ENPP4: variants seen among roughly 807,000 people sequenced by gnomAD.
The protein encoded by ENPP4 is bis(5'-adenosyl)-triphosphatase ENPP4.
A neutral mutation model predicts 33.4 loss-of-function variants in ENPP4; 18 were observed. The ratio of observed to expected loss-of-function variants is 0.54; its 90% CI spans 0.37 to 0.80. The LOEUF (loss-of-function observed/expected upper bound fraction) is 0.80. Ranked by LOEUF, ENPP4 falls within the 30% of genes least tolerant of loss-of-function variation. The pLI is 0.00. For synonymous variants in ENPP4, 172 were observed against 189.9 expected (o/e 0.91, Z 0.78); for missense variants, 480 against 541.7 (o/e 0.89, Z 1.13).
Position 46,139,897 on chromosome 6 carries a change from C to G in ENPP4, c.314C>G (p.Ser105Cys), listed in dbSNP as rs770436525. The G allele has an allele frequency of 2.5e-6, 4 of 1,612,822 alleles. No individual in the cohort carries two copies. Among genetic ancestry groups the G allele is most frequent in the Non-Finnish European group, 3.4e-6 (4 of 1,179,128 alleles). Residue 105 changes from serine (S) to cysteine (C), a missense_variant, in exon 2 of 4, where the codon TCT (serine) becomes TGT (cysteine). By Grantham distance (112) the Ser-to-Cys change is moderately radical. Around this residue, in one of 3 missense-constraint regions of ENPP4, gnomAD observed 227 missense variants for 273.7 expected, o/e 0.83. Coordinates refer to ENST00000321037, the MANE Select transcript of ENPP4 (RefSeq NM_014936.5). ...DAVTKKHFSD[S>C]NDKDPFWWNE... is the part of the protein sequence containing the mutation. Reference sequence around the variant, plus strand: ...GTCACAAAGAAACACTTTTCTGACTCTAATGACAAGGATCCTTTTTGGTGG... The same window carrying G: ...GTCACAAAGAAACACTTTTCTGACTGTAATGACAAGGATCCTTTTTGGTGG...
At chr6:46,138,994 C>T (rs186333401) in intron 1 of ENPP4, among the ~76,000 whole-genome samples, 1 of 151,846 alleles carries the variant, frequency 6.6e-6, no homozygotes, top group African/African-American at 2.4e-5. Flanking sequence ...GGGGCACATA[C>T]AGACTGATGG....
intron 1 of ENPP4, among the ~76,000 whole-genome samples, chr6:46,132,864 C>T (rs959901405): frequency 6.6e-6 from 1 of 151,844 alleles, no homozygotes; most frequent in Admixed American, 6.6e-5. Flanking sequence ...TGAAGAGGTC[C>T]TTCACATCCC....
At chr6:46,142,995 G>A (rs1764089913) in intron 3 of ENPP4, among the ~76,000 whole-genome samples, 2 of 151,666 alleles carry the variant, frequency 1.3e-5, no homozygotes, top group African/African-American at 2.4e-5. Context: ...GACAAGTGAA[G>A]TAATTGGTAC....
intron 3 of ENPP4, among the ~76,000 whole-genome samples, chr6:46,142,376 A>G (rs1581957182): frequency 6.9e-6 from 1 of 144,934 alleles, no homozygotes; most frequent in Non-Finnish European, 1.5e-5. Context: ...TATAATGTAT[A>G]TTATATATTA....
chr6:46,140,454 A>G, intron 2 of ENPP4, 45 bp downstream of exon 2: 1 of 1,192,098 alleles, frequency 8.4e-7, no homozygotes, highest in Non-Finnish European at 1.2e-6. Flanking sequence ...CGAATGGGGC[A>G]ATTGATTGAG....
At chr6:46,132,396 A>G (rs1763913334) in intron 1 of ENPP4, among the ~76,000 whole-genome samples, 1 of 152,226 alleles carries the variant, frequency 6.6e-6, no homozygotes, top group South Asian at 2.1e-4. Flanking sequence ...TCCCAGCACC[A>G]TTTATGAAAT....
chr6:46,139,573 A>G lies in ENPP4; in HGVS notation c.-11A>G, dbSNP rs754890586. On this transcript the variant is annotated 5_prime_UTR_variant, in exon 2 of 4. Coordinates refer to ENST00000321037, the MANE Select transcript of ENPP4 (RefSeq NM_014936.5). ...TAGGAACCCTGATTGCTGTCCTTCAACGTGTTCATTATGAAGTTATTAGTA... is the reference window on the plus strand; with the variant it reads ...TAGGAACCCTGATTGCTGTCCTTCAGCGTGTTCATTATGAAGTTATTAGTA... The G allele has an allele frequency of 2.3e-6, 3 of 1,330,714 alleles. No individual in the cohort carries two copies. Among genetic ancestry groups the G allele is most frequent in the South Asian group, 1.2e-5 (1 of 84,020 alleles). 82.4% of individuals were successfully genotyped at this position (1,330,714 alleles called of 1,614,324 possible). A position where few individuals can be genotyped will look rare whatever the true frequency, so the allele number is the denominator to read the frequency against.
At chr6:46,131,539 T>C (rs1297329955) in intron 1 of ENPP4, among the ~76,000 whole-genome samples, 2 of 152,294 alleles carry the variant, frequency 1.3e-5, no homozygotes, top group African/African-American at 2.4e-5. Context: ...TGCCACATTT[T>C]CTTAATCCAG....
Position 46,143,799 on chromosome 6 carries a change from C to A in ENPP4, c.*159C>A. ...ACTTTGTTTTCCTTGTGTTTTGTTT[C>A]GGTGCATTTGCTAATAAGATAACGC... On this transcript the variant is annotated 3_prime_UTR_variant, in exon 4 of 4. Coordinates refer to ENST00000321037, the MANE Select transcript of ENPP4 (RefSeq NM_014936.5). 2 of 733,854 alleles carry A rather than the reference C, an allele frequency of 2.7e-6. No individual in the cohort carries two copies. The highest frequency in any genetic ancestry group is 4.3e-6 in the Non-Finnish European group (2 of 468,198). 45.5% of individuals were successfully genotyped at this position (733,854 alleles called of 1,614,324 possible).
chr6:46,140,755 G>A (rs148000686), intron 2 of ENPP4, among the ~76,000 whole-genome samples: 1 of 151,724 alleles, frequency 6.6e-6, no homozygotes, highest in Non-Finnish European at 1.5e-5. Flanking sequence ...GTAGTAGTTA[G>A]TAGTAACATG....
chr6:46,132,172 G>A (rs1333947929), intron 1 of ENPP4, among the ~76,000 whole-genome samples: 7 of 152,088 alleles, frequency 4.6e-5, no homozygotes, highest in Non-Finnish European at 1.0e-4. Flanking sequence ...GATCCCATTT[G>A]TCAATTTTGG....
chr6:46,130,239 C>A (rs1324368731), intron 1 of ENPP4, 50 bp downstream of exon 1: 1 of 152,342 alleles, frequency 6.6e-6, no homozygotes, highest in African/African-American at 2.4e-5. Context: ...ATGTCACCCC[C>A]TCTCCAGTCC....
chr6:46,130,810 C>T (rs1455633055), intron 1 of ENPP4, among the ~76,000 whole-genome samples: 1 of 152,162 alleles, frequency 6.6e-6, no homozygotes, highest in Non-Finnish European at 1.5e-5. Context: ...GAAAGTCAGG[C>T]TCAGAGAAGT....
chr6:46,139,904 C>T lies in ENPP4; in HGVS notation c.321C>T (p.Asp107=), dbSNP rs759207245. 1.9e-6 allele frequency: 3 copies of T among 1,612,842 alleles called. No homozygotes were observed. In the South Asian group the frequency reaches 3.3e-5, roughly 18 times the overall value. Residue 107 remains aspartate (D), a synonymous_variant, in exon 2 of 4, where the codon GAC becomes GAT. Coordinates refer to ENST00000321037, the MANE Select transcript of ENPP4 (RefSeq NM_014936.5). ...VTKKHFSDSN[D]KDPFWWNEAV... is the part of the protein sequence containing the mutation. Reference sequence around the variant, plus strand: ...AGAAACACTTTTCTGACTCTAATGACAAGGATCCTTTTTGGTGGAATGAGG... The same window carrying T: ...AGAAACACTTTTCTGACTCTAATGATAAGGATCCTTTTTGGTGGAATGAGG...
Position 46,144,999 on chromosome 6 carries a change from G to T in ENPP4, c.*1359G>T. 2.5e-6 allele frequency: 1 copy of T among 395,992 alleles called. No individual in the cohort carries two copies. Among genetic ancestry groups the T allele is most frequent in the Non-Finnish European group, 4.5e-6 (1 of 224,126 alleles). The allele number at this position is 395,992 out of a possible 1,614,324, so 24.5% of individuals were successfully genotyped here. On this transcript the variant is annotated 3_prime_UTR_variant, in exon 4 of 4. Coordinates refer to ENST00000321037, the MANE Select transcript of ENPP4 (RefSeq NM_014936.5). ...AATCAAAATTAATATGAAGAAACTA[G>T]GTTGTGACAGACTAGATTATATTTA...
chr6:46,133,978 T>C (rs1763940024), intron 1 of ENPP4, among the ~76,000 whole-genome samples: 1 of 152,194 alleles, frequency 6.6e-6, no homozygotes, highest in East Asian at 1.9e-4. Flanking sequence ...AAGAACACAG[T>C]GAAGCAACTG....
chr6:46,143,508 T>C lies in ENPP4; in HGVS notation c.1230T>C (p.Ile410=). 6.2e-7 allele frequency: 1 copy of C among 1,612,922 alleles called. No homozygotes were observed. The highest frequency in any genetic ancestry group is 8.5e-7 in the Non-Finnish European group (1 of 1,179,128). Residue 410 remains isoleucine (I), a synonymous_variant, in exon 4 of 4, where the codon ATT becomes ATC. Transcript: ENST00000321037. The stretch of plus-strand genomic sequence containing the variant: ...TTAATCTCCCAGAAGCCATCGCGAT[T>C]GTTATCGGTTCACTCTTGGTGTTAA... ...WCINLPEAIA[I]VIGSLLVLTM...
Position 46,141,027 on chromosome 6 carries a change from T to C in ENPP4, c.827-25T>C, listed in dbSNP as rs111729801. On this transcript the variant is annotated intron_variant, in intron 2 of 3. Coordinates refer to ENST00000321037, the MANE Select transcript of ENPP4 (RefSeq NM_014936.5). ...TCCTTATCAATCATAACTTGTTTCC[T>C]TTGCTGTTTCTTTTTTTTTCTCAGA... The C allele has an allele frequency of 4.7e-3, 7,112 of 1,514,110 alleles. 256 individuals carry two copies. The African/African-American group carries it at 0.081, about 17-fold the overall frequency. 93.8% of individuals were successfully genotyped at this position (1,514,110 alleles called of 1,614,324 possible).
At position 46,146,001 on chromosome 6, in the gene ENPP4, G is replaced by A. The variant is rs1362529659; in HGVS notation, c.*2361G>A. The stretch of plus-strand genomic sequence containing the variant: ...GCCTTTCACATTAAGGTTTTGGTGT[G>A]TATTTTGTTAAATAACTAACATGCT... On this transcript the variant is annotated 3_prime_UTR_variant, in exon 4 of 4. Transcript: ENST00000321037. 1.3e-5 allele frequency: 2 copies of A among 151,802 alleles called. No homozygotes were observed. Among genetic ancestry groups the A allele is most frequent in the East Asian group, 1.9e-4 (1 of 5,196 alleles). The allele number at this position is 151,802 out of a possible 1,614,324, so 9.4% of individuals were successfully genotyped here.
Sources: gnomAD v4.1 joint callset for allele counts (sites outside exome capture counted in the v4.1 genomes callset) on GRCh38, gnomAD v4.1.1 for gene constraint, gnomAD v4.1.1 regional missense constraint, MANE v1.5 for transcripts, NCBI Gene and HGNC (gene_info 2026-07-23, HGNC 2026-07-21) for gene names.